Variants in UBE2E2 observed in about 807,000 individuals in gnomAD.
UBE2E2 encodes the protein ubiquitin-conjugating enzyme E2 E2.
A neutral mutation model predicts 24.7 loss-of-function variants in UBE2E2; 6 were observed. The ratio of observed to expected loss-of-function variants is 0.24; its 90% CI spans 0.13 to 0.48. The LOEUF is 0.48. UBE2E2 is among the 20% of genes least tolerant of loss of function. The pLI is 0.99. For synonymous variants in UBE2E2, 104 were observed against 83.6 expected (o/e 1.24, Z -1.33); for missense variants, 169 against 245.0 (o/e 0.69, Z 2.07).
At chr3:23,548,826 A>G (rs1431112421) in intron 5 of UBE2E2, among the ~76,000 whole-genome samples, 1 of 152,138 alleles carries the variant, frequency 6.6e-6, no homozygotes, top group Non-Finnish European at 1.5e-5. Context: ...TAACCATATG[A>G]CTCAGCCTGT....
At chr3:23,285,945 C>G (rs1013821078) in intron 3 of UBE2E2, among the ~76,000 whole-genome samples, 1 of 152,218 alleles carries the variant, frequency 6.6e-6, no homozygotes, top group Non-Finnish European at 1.5e-5. Flanking sequence ...GATCTGCCCA[C>G]CTCGGCCTCC....
chr3:23,303,353 C>A (rs185730800), intron 3 of UBE2E2, among the ~76,000 whole-genome samples: 4 of 151,936 alleles, frequency 2.6e-5, no homozygotes, highest in Non-Finnish European at 5.9e-5. Context: ...TTGAATTATC[C>A]GGAAACCACT....
chr3:23,388,578 A>G (rs1023613534), intron 3 of UBE2E2, among the ~76,000 whole-genome samples: 3 of 152,248 alleles, frequency 2.0e-5, no homozygotes, highest in Admixed American at 6.5e-5. Context: ...GCAAAGCTAC[A>G]TGTTAATACT....
intron 3 of UBE2E2, among the ~76,000 whole-genome samples, chr3:23,492,144 T>G (rs1043520848): frequency 6.6e-6 from 1 of 152,070 alleles, no homozygotes; most frequent in African/African-American, 2.4e-5. Flanking sequence ...AACCCTAAAT[T>G]AGAGGGAGAC....
At chr3:23,352,176 T>C (rs913361055) in intron 3 of UBE2E2, among the ~76,000 whole-genome samples, 7 of 152,088 alleles carry the variant, frequency 4.6e-5, no homozygotes, top group African/African-American at 1.7e-4. Context: ...AGATGTTCTT[T>C]GAAACCAACG....
At chr3:23,566,122 A>T (rs532947009) in intron 5 of UBE2E2, among the ~76,000 whole-genome samples, 1 of 152,308 alleles carries the variant, frequency 6.6e-6, no homozygotes, top group East Asian at 1.9e-4. Context: ...TCAAATTAAC[A>T]TGTTTGCCTC....
intron 3 of UBE2E2, among the ~76,000 whole-genome samples, chr3:23,293,523 A>C (rs1698826317): frequency 6.6e-6 from 1 of 152,212 alleles, no homozygotes; most frequent in South Asian, 2.1e-4. Flanking sequence ...TCTTACGTTA[A>C]AAAAATGAGA....
chr3:23,427,955 A>G (rs1697967704), intron 3 of UBE2E2, among the ~76,000 whole-genome samples: 2 of 152,236 alleles, frequency 1.3e-5, no homozygotes, highest in Admixed American at 1.3e-4. Flanking sequence ...GAAATAGATG[A>G]TTTGGCTATT....
At chr3:23,320,858 T>C (rs1033753090) in intron 3 of UBE2E2, among the ~76,000 whole-genome samples, 2 of 152,240 alleles carry the variant, frequency 1.3e-5, no homozygotes, top group African/African-American at 4.8e-5. Context: ...TCTCCACTAA[T>C]TCCTAACAGT....
At chr3:23,442,215 C>T (rs1258232552) in intron 3 of UBE2E2, among the ~76,000 whole-genome samples, 1 of 151,942 alleles carries the variant, frequency 6.6e-6, no homozygotes, top group Non-Finnish European at 1.5e-5. Context: ...TCAGGCAGAA[C>T]TGATCCTTTT....
At chr3:23,462,955 A>G (rs867003591) in intron 3 of UBE2E2, among the ~76,000 whole-genome samples, 2 of 152,186 alleles carry the variant, frequency 1.3e-5, no homozygotes, top group East Asian at 1.9e-4. Context: ...TGTAAAATGC[A>G]TTAAACAGTG....
chr3:23,357,050 G>T (rs1695976308), intron 3 of UBE2E2, among the ~76,000 whole-genome samples: 1 of 152,200 alleles, frequency 6.6e-6, no homozygotes, highest in Non-Finnish European at 1.5e-5. Context: ...GGGAGATTCT[G>T]TAGAAAGTCT....
intron 5 of UBE2E2, among the ~76,000 whole-genome samples, chr3:23,579,522 TCAA>T (rs560733847): frequency 1.3e-5 from 2 of 151,406 alleles, no homozygotes; most frequent in Non-Finnish European, 2.9e-5. Context: ...AGACCCTTTC[TCAA>T]CAACAACAAC....
intron 3 of UBE2E2, among the ~76,000 whole-genome samples, chr3:23,339,053 A>C (rs1695299288): frequency 6.6e-6 from 1 of 152,198 alleles, no homozygotes; most frequent in African/African-American, 2.4e-5. Context: ...TTCTTAACCA[A>C]CTAATCAAAG....
At chr3:23,315,849 T>C (rs1559344952) in intron 3 of UBE2E2, among the ~76,000 whole-genome samples, 1 of 152,170 alleles carries the variant, frequency 6.6e-6, no homozygotes, top group Non-Finnish European at 1.5e-5. Flanking sequence ...CTAAGCTTAG[T>C]AATGCTGTGA....
At chr3:23,210,235 A>C (rs191686335) in intron 2 of UBE2E2, among the ~76,000 whole-genome samples, 1 of 152,312 alleles carries the variant, frequency 6.6e-6, no homozygotes, top group East Asian at 1.9e-4. Flanking sequence ...AGGAAGATCT[A>C]ATTCAGTCCT....
chr3:23,318,149 G>T (rs1694635713), intron 3 of UBE2E2, among the ~76,000 whole-genome samples: 1 of 151,802 alleles, frequency 6.6e-6, no homozygotes, highest in Non-Finnish European at 1.5e-5. Flanking sequence ...ATTTATGACA[G>T]GGTTTTAAAA....
At chr3:23,333,466 G>T (rs1364052607) in intron 3 of UBE2E2, among the ~76,000 whole-genome samples, 2 of 152,096 alleles carry the variant, frequency 1.3e-5, no homozygotes, top group African/African-American at 4.8e-5. Context: ...CTCAGGGACA[G>T]GTTTTCCTCC....
intron 5 of UBE2E2, among the ~76,000 whole-genome samples, chr3:23,572,971 A>G (rs758693454): frequency 6.6e-6 from 1 of 152,206 alleles, no homozygotes; most frequent in African/African-American, 2.4e-5. Flanking sequence ...TGAGAGTCCT[A>G]TACCCTGGGG....
Sources: gnomAD v4.1 joint callset for allele counts (sites outside exome capture counted in the v4.1 genomes callset) on GRCh38, gnomAD v4.1.1 for gene constraint, MANE v1.5 for transcripts, NCBI Gene and HGNC (gene_info 2026-07-23, HGNC 2026-07-21) for gene names.